Variants in ACAD10 observed in about 807,000 individuals in gnomAD.
ACAD10 encodes the protein acyl-CoA dehydrogenase family member 10.
In ACAD10, 112 loss-of-function variants were observed where a neutral mutation model predicts 116.8. That is an observed-to-expected ratio of 0.96 (90% CI 0.82 to 1.12). The LOEUF (loss-of-function observed/expected upper bound fraction) is 1.12, where lower values mean the gene tolerates loss of function less well. Among genes scored for constraint, ACAD10 ranks in the 50% most tolerant of loss-of-function variants. The pLI, the probability that ACAD10 is intolerant of heterozygous loss-of-function variation, is 0.00. For missense variants in ACAD10, 1,259 were observed against 1,350.2 expected (o/e 0.93, Z 1.06); for synonymous variants, 486 against 510.6 (o/e 0.95, Z 0.65).
intron 3 of ACAD10, among the ~76,000 whole-genome samples, chr12:111,704,322 A>G (rs1295067469): frequency 1.3e-5 from 2 of 151,656 alleles, no homozygotes; most frequent in African/African-American, 2.4e-5. Context: ...TTGTATTTTT[A>G]GTAGAGACGG....
intron 7 of ACAD10, among the ~76,000 whole-genome samples, chr12:111,720,797 T>A (rs774237056): frequency 7.2e-5 from 11 of 152,000 alleles, no homozygotes; most frequent in Non-Finnish European, 1.3e-4. Flanking sequence ...ATTTTATTTT[T>A]TTTTGAGATG....
intron 19 of ACAD10, among the ~76,000 whole-genome samples, chr12:111,755,238 G>A (rs1287970211): frequency 6.6e-6 from 1 of 152,174 alleles, no homozygotes; most frequent in Non-Finnish European, 1.5e-5. Context: ...AAGTAGCTGG[G>A]ACTACAGGTG....
chr12:111,749,205 C>G lies in ACAD10; in HGVS notation c.2677C>G (p.Arg893Gly). The G allele has an allele frequency of 6.2e-7, 1 of 1,613,802 alleles. No individual in the cohort carries two copies. Among genetic ancestry groups the G allele is most frequent in the Non-Finnish European group, 8.5e-7 (1 of 1,179,802 alleles). Residue 893 changes from arginine (R) to glycine (G), a missense_variant, in exon 18 of 21, where the codon CGT becomes GGT. Physicochemically the swap from Arg to Gly is moderately radical, Grantham distance 125 (BLOSUM62 -2). Coordinates refer to ENST00000313698, the MANE Select transcript of ACAD10 (RefSeq NM_025247.6). ...GHGEVRFEHV[R>G]VPKENMVLGP... The stretch of plus-strand genomic sequence containing the variant: ...TGGTGAAGTCCGATTTGAGCACGTG[C>G]GTGTGCCCAAAGAGAACATGGTCCT...
intron 3 of ACAD10, among the ~76,000 whole-genome samples, chr12:111,704,870 G>A (rs1311480805): frequency 6.6e-6 from 1 of 151,350 alleles, no homozygotes; most frequent in Non-Finnish European, 1.5e-5. Context: ...TGCATTTTTA[G>A]TAGATAAGGG....
chr12:111,736,813 G>T lies in ACAD10; in HGVS notation c.1541-18G>T. 2.5e-6 allele frequency: 4 copies of T among 1,607,518 alleles called. No individual in the cohort carries two copies. The highest frequency in any genetic ancestry group is 3.4e-6 in the Non-Finnish European group (4 of 1,177,014). ...TCACGTCAGTGACTACCCATGAATG[G>T]CTCTGTCTTTCTCGCAGGTATTAAT... On this transcript the variant is annotated intron_variant, in intron 11 of 20. Transcript: ENST00000313698.
At chr12:111,753,320 T>G (rs1197729590) in intron 18 of ACAD10, 3 of 361,898 alleles carry the variant, frequency 8.3e-6, no homozygotes, top group African/African-American at 2.1e-5. Flanking sequence ...CTTGCTCCCA[T>G]TGGAGCTGCA....
chr12:111,734,121 T>C (rs1889480967), intron 11 of ACAD10, 53 bp downstream of exon 11: 2 of 1,610,526 alleles, frequency 1.2e-6, no homozygotes, highest in Admixed American at 1.7e-5. Context: ...CTCCAAGCAT[T>C]TGGGAGCAAA....
chr12:111,726,072 G>A (rs1889205246), intron 8 of ACAD10, among the ~76,000 whole-genome samples: 1 of 152,008 alleles, frequency 6.6e-6, no homozygotes, highest in Non-Finnish European at 1.5e-5. Context: ...TGGCCAACGT[G>A]GTGAAACCCC....
intron 7 of ACAD10, among the ~76,000 whole-genome samples, chr12:111,717,625 G>T (rs985474095): frequency 6.6e-5 from 10 of 151,412 alleles, no homozygotes; most frequent in Non-Finnish European, 1.0e-4. Flanking sequence ...GAGTACAGTG[G>T]TGTGATGATA....
At chr12:111,748,242 G>T (rs887814957) in intron 16 of ACAD10, 75 bp from the exon 17 acceptor site, 2 of 1,577,356 alleles carry the variant, frequency 1.3e-6, no homozygotes, top group Non-Finnish European at 1.7e-6. Flanking sequence ...CCTTTCTTGG[G>T]CCAGGACCAC....
chr12:111,705,726 T>C lies in ACAD10; in HGVS notation c.337-12T>C. On this transcript the variant is annotated splice_polypyrimidine_tract_variant and intron_variant, in intron 3 of 20. Coordinates refer to ENST00000313698, the MANE Select transcript of ACAD10 (RefSeq NM_025247.6). ...ATGATTGCTGTTCTCCTGTGCCCTC[T>C]CCTGTTCTTAGTTAAAGACCTCCGT... 1 of 1,612,816 alleles carries C rather than the reference T, an allele frequency of 6.2e-7. No individual in the cohort carries two copies. The highest frequency in any genetic ancestry group is 8.5e-7 in the Non-Finnish European group (1 of 1,179,108).
intron 18 of ACAD10, among the ~76,000 whole-genome samples, chr12:111,751,653 T>A (rs1381127954): frequency 6.8e-6 from 1 of 146,988 alleles, no homozygotes; most frequent in Non-Finnish European, 1.5e-5. Context: ...ATCACTTGAA[T>A]CCAGGAGGCG....
At chr12:111,743,274 T>C (rs7301464) in intron 12 of ACAD10, among the ~76,000 whole-genome samples, 5,137 of 151,914 alleles carry the variant, frequency 0.034, 304 homozygotes, top group African/African-American at 0.12. Flanking sequence ...AGAGACAGAC[T>C]ACAGAAACAG....
intron 2 of ACAD10, among the ~76,000 whole-genome samples, chr12:111,696,107 G>T (rs779679124): frequency 7.3e-5 from 11 of 151,326 alleles, no homozygotes; most frequent in Non-Finnish European, 1.2e-4. Context: ...TGTTTCTTAG[G>T]CTGGAGTGCA....
In ACAD10 at chr12:111,690,859, A is replaced by G. The variant is rs142093549; in HGVS notation, c.-13-1838A>G. Reference sequence around the variant, plus strand: ...TATTTGGATTGGGGATGCTCAAAGTATATAGTTTTGGAGTCCTTTTGGCCC... The same window carrying G: ...TATTTGGATTGGGGATGCTCAAAGTGTATAGTTTTGGAGTCCTTTTGGCCC... On this transcript the variant is annotated intron_variant, in intron 1 of 20. Transcript: ENST00000313698. 1.9e-3 allele frequency among the ~76,000 whole-genome samples: 286 copies of G among 151,956 alleles called. 1 individual carries two copies. The highest frequency in any genetic ancestry group is 0.01 in the Middle Eastern group (3 of 290).
intron 5 of ACAD10, 37 bp from the exon 6 acceptor site, chr12:111,712,461 C>A (rs201303247): frequency 3.8e-6 from 6 of 1,574,254 alleles, no homozygotes; most frequent in Admixed American, 1.9e-5. Context: ...ATAACAACAA[C>A]AAAAAATATA....
At chr12:111,690,501 C>G (rs1046717059) in intron 1 of ACAD10, 2 of 151,688 alleles carry the variant, frequency 1.3e-5, no homozygotes, top group African/African-American at 4.8e-5. Context: ...TTTTTTAGTC[C>G]TAGCTGGGCG....
At chr12:111,705,269 A>G (rs913994353) in intron 3 of ACAD10, among the ~76,000 whole-genome samples, 2 of 152,060 alleles carry the variant, frequency 1.3e-5, no homozygotes, top group Non-Finnish European at 2.9e-5. Context: ...TGTGTTGCTC[A>G]GGCTAGAGTG....
intron 1 of ACAD10, chr12:111,688,008 G>C (rs1200376292): frequency 6.6e-6 from 1 of 152,084 alleles, no homozygotes; most frequent in Non-Finnish European, 1.5e-5. Flanking sequence ...TGGGACTACA[G>C]GCACACAGCA....
Sources: gnomAD v4.1 joint callset for allele counts (sites outside exome capture counted in the v4.1 genomes callset) on GRCh38, gnomAD v4.1.1 for gene constraint, MANE v1.5 for transcripts, NCBI Gene and HGNC (gene_info 2026-07-23, HGNC 2026-07-21) for gene names.